FBLIM1: variants seen among roughly 807,000 people sequenced by gnomAD.
FBLIM1 encodes the protein filamin-binding LIM protein 1.
A neutral mutation model predicts 37.4 loss-of-function variants in FBLIM1; 29 were observed. The ratio of observed to expected loss-of-function variants is 0.77; its 90% CI spans 0.58 to 1.06. The LOEUF (loss-of-function observed/expected upper bound fraction) is 1.06, where lower values mean the gene tolerates loss of function less well. Among genes scored for constraint, FBLIM1 ranks in the 50% least tolerant of loss-of-function variants. The pLI is 0.00. For synonymous variants in FBLIM1, 193 were observed against 199.0 expected (o/e 0.97, Z 0.25); for missense variants, 449 against 505.6 (o/e 0.89, Z 1.07).
intron 8 of FBLIM1, among the ~76,000 whole-genome samples, chr1:15,780,987 C>T (rs960660753): frequency 3.4e-4 from 52 of 152,008 alleles, no homozygotes; most frequent in Admixed American, 3.3e-3. Flanking sequence ...GGCCAGGAAG[C>T]GAATAAACCC....
At chr1:15,767,996 G>T (rs571560700) in intron 4 of FBLIM1, among the ~76,000 whole-genome samples, 1 of 152,118 alleles carries the variant, frequency 6.6e-6, no homozygotes, top group African/African-American at 2.4e-5. Flanking sequence ...CGATTCTCCT[G>T]CCATAGTCTC....
At chr1:15,766,254 C>A (rs115326302) in intron 3 of FBLIM1, among the ~76,000 whole-genome samples, 1 of 151,704 alleles carries the variant, frequency 6.6e-6, no homozygotes, top group Non-Finnish European at 1.5e-5. Flanking sequence ...ACCACAAGCT[C>A]TCACCACCAG....
chr1:15,762,268 T>TC (rs1290823291), intron 1 of FBLIM1, among the ~76,000 whole-genome samples: 1 of 148,358 alleles, frequency 6.7e-6, no homozygotes, highest in Non-Finnish European at 1.5e-5. Context: ...TTGTTTTTTT[T>TC]TTTTTTTTTT....
At chr1:15,774,866 G>A in intron 7 of FBLIM1, 70 bp downstream of exon 7, 2 of 1,613,532 alleles carry the variant, frequency 1.2e-6, no homozygotes, top group Non-Finnish European at 1.7e-6. Flanking sequence ...TGAAGGAGCT[G>A]AGCTTGAGTC....
chr1:15,762,861 G>T (rs12083988), intron 1 of FBLIM1, among the ~76,000 whole-genome samples: 1 of 151,988 alleles, frequency 6.6e-6, no homozygotes, highest in African/African-American at 2.4e-5. Context: ...GCCAGGAATC[G>T]GGGGGTGCCT....
intron 1 of FBLIM1, among the ~76,000 whole-genome samples, chr1:15,762,529 A>G (rs4375264): frequency 0.36 from 54,007 of 151,568 alleles, 10,490 homozygotes; most frequent in African/African-American, 0.53. Context: ...CAAAAATGCT[A>G]AGATTACAGG....
Position 15,784,597 on chromosome 1 carries a change from C to G in FBLIM1, c.1058C>G (p.Pro353Arg). The change falls in exon 9 of 9, where the codon CCC (proline) becomes CGC (arginine). Residue 353 changes from proline to arginine, a missense_variant. Physicochemically the swap from Pro to Arg is moderately radical, Grantham distance 103. Transcript: ENST00000375766. Reference protein sequence around the residue: ...SVEPTDQGCYPLNNHLFCKPC... With the variant: ...SVEPTDQGCYRLNNHLFCKPC... ...GAGCCCACGGACCAAGGCTGCTACC[C>G]CCTGAACAACCATCTCTTCTGCAAG... 2 of 1,614,146 alleles carry G rather than the reference C, an allele frequency of 1.2e-6. No individual in the cohort carries two copies. The highest frequency in any genetic ancestry group is 2.7e-5 in the African/African-American group (2 of 75,058).
At chr1:15,781,715 ATTG>A (rs1470253570) in intron 8 of FBLIM1, among the ~76,000 whole-genome samples, 9 of 123,404 alleles carry the variant, frequency 7.3e-5, no homozygotes, top group African/African-American at 2.6e-4. Flanking sequence ...TGTAGGTAGT[ATTG>A]TTTTTTTTTT....
At chr1:15,781,282 C>A (rs1047755259) in intron 8 of FBLIM1, among the ~76,000 whole-genome samples, 2 of 151,790 alleles carry the variant, frequency 1.3e-5, no homozygotes, top group South Asian at 2.1e-4. Flanking sequence ...TTCTTGAATC[C>A]GGGAGGCAGA....
At position 15,766,368 on chromosome 1, in the gene FBLIM1, C is replaced by T. The variant is rs1304323214; in HGVS notation, c.251-1008C>T. Among the ~76,000 whole-genome samples the T allele has an allele frequency of 1.1e-4, 16 of 152,232 alleles. 1 individual carries two copies. The highest frequency in any genetic ancestry group is 2.9e-5 in the Non-Finnish European group (2 of 68,044). On this transcript the variant is annotated intron_variant, in intron 3 of 8. Transcript: ENST00000375766. ...CAGGAGTGCAGTGGTGCGATCTCGGCTCACTGCAACCTCTGCTCCCCAGGT... is the reference window on the plus strand; with the variant it reads ...CAGGAGTGCAGTGGTGCGATCTCGGTTCACTGCAACCTCTGCTCCCCAGGT...
intron 8 of FBLIM1, 148 bp from the exon 9 acceptor site, chr1:15,784,400 G>A: frequency 1.7e-6 from 1 of 596,970 alleles, no homozygotes; most frequent in Non-Finnish European, 3.0e-6. Flanking sequence ...GGTGTTGGGA[G>A]GGCAGCAGTG....
intron 8 of FBLIM1, among the ~76,000 whole-genome samples, chr1:15,782,267 G>C (rs1436331184): frequency 1.3e-5 from 2 of 151,824 alleles, no homozygotes; most frequent in Non-Finnish European, 2.9e-5. Flanking sequence ...AATTAGCCAG[G>C]CATGGTGGTA....
chr1:15,784,173 T>G (rs576911426), intron 8 of FBLIM1, among the ~76,000 whole-genome samples: 13 of 152,318 alleles, frequency 8.5e-5, no homozygotes, highest in African/African-American at 3.1e-4. Context: ...AGAGCAAGAC[T>G]GTCTCAAAAT....
chr1:15,759,995 G>A (rs1416028247), intron 1 of FBLIM1, among the ~76,000 whole-genome samples: 2 of 152,108 alleles, frequency 1.3e-5, no homozygotes, highest in Non-Finnish European at 2.9e-5. Flanking sequence ...AGGCCGAGGC[G>A]GGCGGATTAC....
intron 8 of FBLIM1, among the ~76,000 whole-genome samples, chr1:15,783,859 G>C (rs2069708357): frequency 6.6e-6 from 1 of 152,076 alleles, no homozygotes; most frequent in South Asian, 2.1e-4. Flanking sequence ...TGGGATTATA[G>C]GCGTGAACCA....
chr1:15,760,505 C>T (rs1241213782), intron 1 of FBLIM1, among the ~76,000 whole-genome samples: 1 of 136,826 alleles, frequency 7.3e-6, no homozygotes, highest in African/African-American at 2.8e-5. Context: ...ACTCCAGCCT[C>T]GGCCACAGAG....
At chr1:15,769,628 A>G (rs1394786387) in intron 5 of FBLIM1, among the ~76,000 whole-genome samples, 1 of 151,908 alleles carries the variant, frequency 6.6e-6, no homozygotes, top group Non-Finnish European at 1.5e-5. Context: ...TTATTTATTT[A>G]TGTTATTTAT....
In FBLIM1 at chr1:15,770,553, G is replaced by A. The variant is rs200348478; in HGVS notation, c.686G>A (p.Arg229Gln). ...CAGAGCTTCTACCAGAAGGATGGGC[G>A]ACCCCTCTGCGAACCCTGCTACCAG... ...AGQSFYQKDGRPLCEPCYQDT... is the reference protein window; with the variant it reads ...AGQSFYQKDGQPLCEPCYQDT... Residue 229 changes from arginine to glutamine, a missense_variant, in exon 6 of 9, where the codon CGA (arginine) becomes CAA (glutamine). Transcript: ENST00000375766. The A allele has an allele frequency of 1.6e-4, 260 of 1,613,932 alleles. No individual in the cohort carries two copies. The highest frequency in any genetic ancestry group is 6.6e-4 in the Middle Eastern group (4 of 6,062).
chr1:15,761,218 T>C (rs780304829), intron 1 of FBLIM1, among the ~76,000 whole-genome samples: 1 of 152,188 alleles, frequency 6.6e-6, no homozygotes, highest in African/African-American at 2.4e-5. Flanking sequence ...TGGTCTGGAT[T>C]GGGCCATTGT....
Sources: gnomAD v4.1 joint callset for allele counts (sites outside exome capture counted in the v4.1 genomes callset) on GRCh38, gnomAD v4.1.1 for gene constraint, MANE v1.5 for transcripts, NCBI Gene and HGNC (gene_info 2026-07-23, HGNC 2026-07-21) for gene names.